The following FOXO3 variants were observed in gnomAD, a reference collection of about 807,000 sequenced individuals.
FOXO3 encodes forkhead box O3, also known as forkhead box protein O3.
FOXO3 carries 4 observed loss-of-function variants against 41.9 expected under a neutral mutation model. The observed-to-expected ratio is 0.10, with a 90% CI of 0.05 to 0.22. The LOEUF (loss-of-function observed/expected upper bound fraction) is 0.22, where lower values mean the gene tolerates loss of function less well. Ranked by LOEUF, FOXO3 falls within the 10% of genes least tolerant of loss-of-function variation. The pLI is 1.00. For missense variants in FOXO3, 534 were observed against 906.8 expected, an observed-to-expected ratio of 0.59 and a Z score of 5.28; for synonymous variants, 318 against 389.3, an observed-to-expected ratio of 0.82 and a Z score of 2.16.
rs922981871 is a variant in FOXO3 at position 108,587,601 on chromosome 6, A to G, written c.621+25772A>G. On this transcript the variant is annotated intron_variant, in intron 1 of 2. Coordinates refer to ENST00000406360, the MANE Select transcript of FOXO3 (RefSeq NM_001455.4). The stretch of plus-strand genomic sequence containing the variant: ...GCTTTTGAAGTGAGAGCCCCGGCTC[A>G]GTGTTGGCCTTGTTTTTTCTCCCCT... Among the ~76,000 whole-genome samples, 58 of 152,318 alleles carry G rather than the reference A, an allele frequency of 3.8e-4. 1 individual carries two copies. Among genetic ancestry groups the G allele is most frequent in the African/African-American group, 1.2e-3 (51 of 41,590 alleles).
At chr6:108,675,442 G>A (rs1405198115) in intron 2 of FOXO3, among the ~76,000 whole-genome samples, 1 of 152,168 alleles carries the variant, frequency 6.6e-6, no homozygotes, top group Non-Finnish European at 1.5e-5. Flanking sequence ...CCAAGCCCAG[G>A]AATTACTGGG....
chr6:108,578,642 T>C (rs80167577), intron 1 of FOXO3, among the ~76,000 whole-genome samples: 2,444 of 152,336 alleles, frequency 0.016, 67 homozygotes, highest in African/African-American at 0.056. Context: ...TTGTGTGTGA[T>C]CTTTTTCTCT....
intron 1 of FOXO3, among the ~76,000 whole-genome samples, chr6:108,588,235 A>G (rs946826689): frequency 5.3e-5 from 8 of 152,204 alleles, no homozygotes; most frequent in Non-Finnish European, 1.0e-4. Context: ...ACTATTCAGT[A>G]TATTGAAAAA....
rs1045501183 is a variant in FOXO3 at position 108,681,276 on chromosome 6, T to G, written c.*1484T>G. On this transcript the variant is annotated 3_prime_UTR_variant, in exon 3 of 3. Transcript: ENST00000406360. The stretch of plus-strand genomic sequence containing the variant: ...CCAAAGTGATATATGAAGACTCTTT[T>G]CTTTGCATAAAAAGCATTAGGCATA... 1 of 152,714 alleles carries G rather than the reference T, an allele frequency of 6.5e-6. No individual in the cohort carries two copies. Among genetic ancestry groups the G allele is most frequent in the African/African-American group, 2.4e-5 (1 of 41,474 alleles). The allele number at this position is 152,714 out of a possible 1,614,324, so 9.5% of individuals were successfully genotyped here.
chr6:108,678,706 AT>A (rs952891216), intron 2 of FOXO3, among the ~76,000 whole-genome samples: 16 of 151,036 alleles, frequency 1.1e-4, no homozygotes, highest in South Asian at 2.1e-4. Flanking sequence ...GTGTTATGTA[AT>A]TTTTTTTCTC....
At chr6:108,639,719 C>A in intron 1 of FOXO3, 1 of 240,584 alleles carries the variant, frequency 4.2e-6, no homozygotes, top group South Asian at 1.5e-4. Context: ...TATTTAATTT[C>A]AATAAATTGT....
chr6:108,656,357 C>T (rs539542160), intron 1 of FOXO3: 15 of 985,250 alleles, frequency 1.5e-5, no homozygotes, highest in South Asian at 1.4e-4. Flanking sequence ...AGTGGACAGT[C>T]TCCACAAGGT....
intron 1 of FOXO3, among the ~76,000 whole-genome samples, chr6:108,656,782 G>A (rs1271618606): frequency 1.3e-5 from 2 of 152,192 alleles, no homozygotes; most frequent in Non-Finnish European, 2.9e-5. Context: ...TGATCTGTTT[G>A]GGGTCCATGT....
chr6:108,566,730 C>T (rs1174917958), intron 1 of FOXO3, among the ~76,000 whole-genome samples: 1 of 152,048 alleles, frequency 6.6e-6, no homozygotes, highest in Non-Finnish European at 1.5e-5. Context: ...CAGACTTGAC[C>T]CTATTCTCAA....
intron 1 of FOXO3, among the ~76,000 whole-genome samples, chr6:108,646,892 A>T (rs1185364079): frequency 6.6e-6 from 1 of 152,230 alleles, no homozygotes; most frequent in African/African-American, 2.4e-5. Flanking sequence ...AACATAAAAG[A>T]AAGAGATGTA....
At chr6:108,578,048 A>G (rs939814249) in intron 1 of FOXO3, among the ~76,000 whole-genome samples, 13 of 152,210 alleles carry the variant, frequency 8.5e-5, no homozygotes, top group African/African-American at 3.1e-4. Context: ...AAACTGAGAG[A>G]TATAAACTTA....
chr6:108,570,508 G>A (rs2128356854), intron 1 of FOXO3, among the ~76,000 whole-genome samples: 1 of 151,944 alleles, frequency 6.6e-6, no homozygotes, highest in African/African-American at 2.4e-5. Flanking sequence ...TGTTTTTTTT[G>A]TAGAGATATG....
At chr6:108,583,609 G>A (rs1452415567) in intron 1 of FOXO3, among the ~76,000 whole-genome samples, 1 of 152,070 alleles carries the variant, frequency 6.6e-6, no homozygotes, top group Admixed American at 6.5e-5. Context: ...TCTTTTATTG[G>A]GAATTAAGCC....
chr6:108,615,756 AT>A (rs1171992389), intron 1 of FOXO3, among the ~76,000 whole-genome samples: 1 of 151,766 alleles, frequency 6.6e-6, no homozygotes. Flanking sequence ...GATACTCTCA[AT>A]TTCATTTTCA....
intron 1 of FOXO3, among the ~76,000 whole-genome samples, chr6:108,621,245 C>T (rs558101387): frequency 6.6e-6 from 1 of 152,178 alleles, no homozygotes; most frequent in African/African-American, 2.4e-5. Context: ...CTAGGAGTGC[C>T]CACGAGGAAC....
chr6:108,661,755 G>T (rs909072108), intron 1 of FOXO3, among the ~76,000 whole-genome samples: 3 of 152,350 alleles, frequency 2.0e-5, no homozygotes, highest in Non-Finnish European at 2.9e-5. Context: ...GCAGAGATAG[G>T]ACTGAATCTG....
intron 2 of FOXO3, among the ~76,000 whole-genome samples, chr6:108,678,866 A>ATTTTT (rs1770724993): frequency 3.1e-4 from 22 of 70,704 alleles, no homozygotes; most frequent in Non-Finnish European, 5.7e-4. Context: ...CATTTCTTAA[A>ATTTTT]TTCTTTTTTT....
chr6:108,679,539 A>G lies in FOXO3; in HGVS notation c.*35-288A>G, dbSNP rs4946935. Reference sequence around the variant, plus strand: ...AAGGACCCACCAAAACACCCCTAATATGGCTTTCTTTATCTCCCAAAGTGA... The same window carrying G: ...AAGGACCCACCAAAACACCCCTAATGTGGCTTTCTTTATCTCCCAAAGTGA... On this transcript the variant is annotated intron_variant, in intron 2 of 2. Transcript: ENST00000406360. 0.55 allele frequency among the ~76,000 whole-genome samples: 82,872 copies of G among 151,954 alleles called. 26,594 individuals carry two copies. Among genetic ancestry groups the G allele is most frequent in the East Asian group, 0.71 (3,654 of 5,152 alleles).
chr6:108,659,826 A>G (rs1415116028), intron 1 of FOXO3, among the ~76,000 whole-genome samples: 2 of 152,204 alleles, frequency 1.3e-5, no homozygotes, highest in Non-Finnish European at 2.9e-5. Flanking sequence ...ATAAAACTAT[A>G]CGCATACGTT....
Sources: gnomAD v4.1 joint callset for allele counts (sites outside exome capture counted in the v4.1 genomes callset) on GRCh38, gnomAD v4.1.1 for gene constraint, MANE v1.5 for transcripts, NCBI Gene and HGNC (gene_info 2026-07-23, HGNC 2026-07-21) for gene names.